Variants in GPR39 observed in about 807,000 individuals in gnomAD.
GPR39 encodes the protein G protein-coupled receptor 39.
In GPR39, 23 loss-of-function variants were observed where a neutral mutation model predicts 18.4. That is an observed-to-expected ratio of 1.25 (90% CI 0.90 to 1.77). The LOEUF (loss-of-function observed/expected upper bound fraction) is 1.77. Ranked by LOEUF, GPR39 falls within the 40% of genes most tolerant of loss-of-function variation. GPR39 has a pLI of 0.00. For missense variants in GPR39, 647 were observed against 602.4 expected, an observed-to-expected ratio of 1.07 and a Z score of -0.78; for synonymous variants, 280 against 257.9, an observed-to-expected ratio of 1.09 and a Z score of -0.82.
chr2:132,529,517 G>T (rs1034697553), intron 1 of GPR39, among the ~76,000 whole-genome samples: 1 of 152,228 alleles, frequency 6.6e-6, no homozygotes, highest in African/African-American at 2.4e-5. Context: ...GGTTCTCCCA[G>T]CACGCAGCTT....
intron 1 of GPR39, among the ~76,000 whole-genome samples, chr2:132,452,354 C>A (rs1374973251): frequency 6.6e-6 from 1 of 152,118 alleles, no homozygotes; most frequent in Non-Finnish European, 1.5e-5. Flanking sequence ...TTTAAATATT[C>A]TTTTATGTCT....
chr2:132,608,163 T>C (rs1181639176), intron 1 of GPR39, among the ~76,000 whole-genome samples: 1 of 152,240 alleles, frequency 6.6e-6, no homozygotes, highest in Non-Finnish European at 1.5e-5. Flanking sequence ...TTGATCAGTT[T>C]GATTTTCAAC....
intron 1 of GPR39, among the ~76,000 whole-genome samples, chr2:132,534,948 C>T (rs1468790824): frequency 1.3e-5 from 2 of 151,746 alleles, no homozygotes; most frequent in South Asian, 2.1e-4. Context: ...ATGTTACAAA[C>T]CTGGACGTTG....
intron 1 of GPR39, among the ~76,000 whole-genome samples, chr2:132,435,488 G>C (rs1359224438): frequency 6.6e-6 from 1 of 152,158 alleles, no homozygotes; most frequent in African/African-American, 2.4e-5. Flanking sequence ...TCGACTGTTT[G>C]TTATTGGTAA....
chr2:132,541,397 T>C (rs1679859443), intron 1 of GPR39, among the ~76,000 whole-genome samples: 1 of 152,196 alleles, frequency 6.6e-6, no homozygotes, highest in South Asian at 2.1e-4. Context: ...ATGGACTTTT[T>C]CTATAACAAG....
rs148992290 is a variant in GPR39, at chr2:132,572,357, G to A, written c.857-72744G>A. On this transcript the variant is annotated intron_variant, in intron 1 of 1. Coordinates refer to ENST00000329321, the MANE Select transcript of GPR39 (RefSeq NM_001508.3). ...TCCCTCTCCAGAGAACTCTGGACAA[G>A]TCCTGGAGGGGCTGGAAGTGCATCT... is the stretch of plus-strand genomic sequence containing the variant. Among the ~76,000 whole-genome samples the A allele has an allele frequency of 5.9e-5, 9 of 152,108 alleles. No individual in the cohort carries two copies. In the East Asian group the frequency reaches 1.7e-3, roughly 30 times the overall value.
At chr2:132,523,777 C>T (rs1252535457) in intron 1 of GPR39, 1 of 152,590 alleles carries the variant, frequency 6.6e-6, no homozygotes, top group Non-Finnish European at 1.5e-5. Context: ...CCTTCCCCAA[C>T]AGAGGAGAAA....
intron 1 of GPR39, among the ~76,000 whole-genome samples, chr2:132,486,816 T>G (rs965509783): frequency 6.6e-6 from 1 of 152,250 alleles, no homozygotes; most frequent in African/African-American, 2.4e-5. Context: ...CTTATTGATA[T>G]GTTCACTGGA....
At chr2:132,535,013 A>T (rs976659784) in intron 1 of GPR39, among the ~76,000 whole-genome samples, 11 of 151,896 alleles carry the variant, frequency 7.2e-5, no homozygotes, top group Admixed American at 3.9e-4. Context: ...AAAACATGTC[A>T]TCTGCAAACG....
At chr2:132,458,171 G>C (rs1680766757) in intron 1 of GPR39, among the ~76,000 whole-genome samples, 1 of 152,104 alleles carries the variant, frequency 6.6e-6, no homozygotes, top group South Asian at 2.1e-4. Context: ...AGATGAACCA[G>C]GTACCTCAGT....
intron 1 of GPR39, among the ~76,000 whole-genome samples, chr2:132,492,792 CCATAT>C (rs1310165768): frequency 2.1e-3 from 4 of 1,928 alleles, no homozygotes; most frequent in East Asian, 0.5. Context: ...CATATATATA[CCATAT>C]ATACCATATA....
chr2:132,534,827 T>G (rs7368544), intron 1 of GPR39, among the ~76,000 whole-genome samples: 1 of 150,868 alleles, frequency 6.6e-6, no homozygotes, highest in Non-Finnish European at 1.5e-5. Context: ...CATCACACAC[T>G]GGGGACTGTT....
chr2:132,551,765 A>G (rs1430350269), intron 1 of GPR39, among the ~76,000 whole-genome samples: 1 of 151,932 alleles, frequency 6.6e-6, no homozygotes, highest in Non-Finnish European at 1.5e-5. Flanking sequence ...AAATTTTATG[A>G]AAAGTTCACT....
intron 1 of GPR39, among the ~76,000 whole-genome samples, chr2:132,607,001 AC>A (rs1681150460): frequency 6.6e-6 from 1 of 152,060 alleles, no homozygotes; most frequent in Non-Finnish European, 1.5e-5. Flanking sequence ...GTGTTATCTC[AC>A]TCTGATCTTG....
chr2:132,477,742 T>C (rs1179544277), intron 1 of GPR39, among the ~76,000 whole-genome samples: 1 of 152,236 alleles, frequency 6.6e-6, no homozygotes, highest in African/African-American at 2.4e-5. Context: ...ATTTACTCTG[T>C]GGCATGTTAC....
At chr2:132,511,553 C>T (rs1679241677) in intron 1 of GPR39, among the ~76,000 whole-genome samples, 1 of 152,024 alleles carries the variant, frequency 6.6e-6, no homozygotes. Flanking sequence ...GTTCACAAAT[C>T]AAAAAATGTA....
intron 1 of GPR39, among the ~76,000 whole-genome samples, chr2:132,635,899 G>A (rs1327030518): frequency 6.6e-6 from 1 of 152,160 alleles, no homozygotes; most frequent in African/African-American, 2.4e-5. Flanking sequence ...GTCGGAGAAT[G>A]CAGAGAGATG....
At chr2:132,472,431 A>G (rs1019912352) in intron 1 of GPR39, among the ~76,000 whole-genome samples, 2 of 152,170 alleles carry the variant, frequency 1.3e-5, no homozygotes, top group African/African-American at 4.8e-5. Flanking sequence ...CCCTGAATAC[A>G]AAGTGGATGA....
At chr2:132,468,302 A>G (rs570198927) in intron 1 of GPR39, among the ~76,000 whole-genome samples, 1 of 152,340 alleles carries the variant, frequency 6.6e-6, no homozygotes, top group African/African-American at 2.4e-5. Context: ...ACTATACTGC[A>G]GATAGAATGT....
Sources: gnomAD v4.1 joint callset for allele counts (sites outside exome capture counted in the v4.1 genomes callset) on GRCh38, gnomAD v4.1.1 for gene constraint, MANE v1.5 for transcripts, NCBI Gene and HGNC (gene_info 2026-07-23, HGNC 2026-07-21) for gene names.